ACOXL: variants seen among roughly 807,000 people sequenced by gnomAD.
ACOXL encodes the protein acyl-CoA oxidase like.
A neutral mutation model predicts 71.9 loss-of-function variants in ACOXL; 70 were observed. The observed-to-expected ratio is 0.97, with a 90% CI of 0.80 to 1.19. The LOEUF (loss-of-function observed/expected upper bound fraction) is 1.19, where lower values mean the gene tolerates loss of function less well. ACOXL is among the 50% of genes most tolerant of loss of function. The probability of loss-of-function intolerance (pLI) is 0.00; values close to 1 mark genes in which losing one functional copy is unlikely to be tolerated. For missense variants in ACOXL, 703 were observed against 736.3 expected (o/e 0.95, Z 0.52); for synonymous variants, 253 against 281.6 (o/e 0.90, Z 1.02).
At chr2:110,769,651 A>G (rs1681621661) in intron 2 of ACOXL, among the ~76,000 whole-genome samples, 1 of 141,184 alleles carries the variant, frequency 7.1e-6, no homozygotes, top group African/African-American at 3.0e-5. Flanking sequence ...TGTTTCTACT[A>G]AAACAAAACA....
chr2:110,800,074 C>T (rs991121666), intron 7 of ACOXL, among the ~76,000 whole-genome samples: 8 of 152,204 alleles, frequency 5.3e-5, no homozygotes, highest in African/African-American at 1.9e-4. Flanking sequence ...AAGCTGGCCA[C>T]CCCAGCCAGC....
At chr2:110,832,515 G>A (rs1057466264) in intron 9 of ACOXL, among the ~76,000 whole-genome samples, 6 of 149,028 alleles carry the variant, frequency 4.0e-5, no homozygotes, top group Non-Finnish European at 1.5e-5. Flanking sequence ...TCCGCAGTCC[G>A]GCCTGGGCGA....
At chr2:110,845,107 A>T (rs1427713101) in intron 10 of ACOXL, among the ~76,000 whole-genome samples, 3 of 152,198 alleles carry the variant, frequency 2.0e-5, no homozygotes, top group African/African-American at 7.2e-5. Flanking sequence ...TGGGTACTTT[A>T]TAAAGAACAG....
intron 12 of ACOXL, among the ~76,000 whole-genome samples, chr2:110,946,512 G>A (rs1284178175): frequency 6.6e-6 from 1 of 152,158 alleles, no homozygotes; most frequent in Non-Finnish European, 1.5e-5. Context: ...GAAGTTGAGA[G>A]CCATATCTTA....
At position 110,850,512 on chromosome 2, in the gene ACOXL, G is replaced by T. The variant is rs76201494; in HGVS notation, c.788+9107G>T. 4.6e-3 allele frequency among the ~76,000 whole-genome samples: 704 copies of T among 152,328 alleles called. 8 individuals are homozygous for T. The highest frequency in any genetic ancestry group is 5.0e-3 in the Non-Finnish European group (340 of 68,036). On this transcript the variant is annotated intron_variant, in intron 10 of 17. Transcript: ENST00000439055. Reference sequence around the variant, plus strand: ...ATGGCAAATAAGACCATGAAGGGATGCTCACCCTCATTAGTCATTAAGGAA... The same window carrying T: ...ATGGCAAATAAGACCATGAAGGGATTCTCACCCTCATTAGTCATTAAGGAA...
intron 14 of ACOXL, among the ~76,000 whole-genome samples, chr2:111,019,569 C>T (rs2149701592): frequency 6.6e-6 from 1 of 152,346 alleles, no homozygotes; most frequent in African/African-American, 2.4e-5. Flanking sequence ...AGTTAAGCCT[C>T]AACAGGGAAA....
At chr2:110,995,758 G>T in intron 13 of ACOXL, 135 bp from the exon 14 acceptor site, 1 of 620,354 alleles carries the variant, frequency 1.6e-6, no homozygotes, top group Non-Finnish European at 2.9e-6. Flanking sequence ...GAGATGGGAT[G>T]GGGAGATTAT....
At chr2:111,041,041 G>A (rs542403563) in intron 15 of ACOXL, among the ~76,000 whole-genome samples, 8 of 152,210 alleles carry the variant, frequency 5.3e-5, no homozygotes, top group South Asian at 2.1e-4. Flanking sequence ...CTGGAGGTGC[G>A]AGGGCAAAGG....
intron 9 of ACOXL, among the ~76,000 whole-genome samples, chr2:110,829,849 G>T (rs868230713): frequency 2.0e-5 from 3 of 152,186 alleles, no homozygotes; most frequent in African/African-American, 4.8e-5. Context: ...TGGAGCCATC[G>T]TGAGCCTGTG....
intron 16 of ACOXL, among the ~76,000 whole-genome samples, chr2:111,078,827 A>T (rs2067742199): frequency 6.6e-6 from 1 of 152,216 alleles, no homozygotes; most frequent in East Asian, 1.9e-4. Flanking sequence ...GATGTTGTTT[A>T]AAACCTATGG....
intron 14 of ACOXL, among the ~76,000 whole-genome samples, chr2:111,030,090 C>A (rs1170360686): frequency 2.0e-5 from 3 of 151,784 alleles, no homozygotes; most frequent in Non-Finnish European, 2.9e-5. Context: ...TCTATTTGGA[C>A]ACATGTGCAC....
intron 17 of ACOXL, among the ~76,000 whole-genome samples, chr2:111,109,671 A>ATTTTTTTTTTTTTTT (rs869081161): frequency 4.0e-5 from 3 of 75,644 alleles, no homozygotes; most frequent in East Asian, 3.6e-4. Context: ...TTCTCCTTCT[A>ATTTTTTTTTTTTTTT]TTTTTTTTTT....
At chr2:110,869,766 T>C (rs922376010) in intron 10 of ACOXL, among the ~76,000 whole-genome samples, 8 of 152,240 alleles carry the variant, frequency 5.3e-5, no homozygotes, top group African/African-American at 1.9e-4. Context: ...CTCAGCCACC[T>C]TGGAGAGCTG....
chr2:111,031,625 A>G lies in ACOXL; in HGVS notation c.1282-2A>G, dbSNP rs1425513896. On this transcript the variant is annotated splice_acceptor_variant, in intron 14 of 17. Coordinates refer to ENST00000439055, the MANE Select transcript of ACOXL (RefSeq NM_001142807.4). LOFTEE classifies it high-confidence loss of function. ...GTGATTTTTCTTCTGTCGATTGGACAGGTAAAGACCAAGAAGGAGGATTTT... is the reference window on the plus strand; with the variant it reads ...GTGATTTTTCTTCTGTCGATTGGACGGGTAAAGACCAAGAAGGAGGATTTT... 6.2e-7 allele frequency: 1 copy of G among 1,613,882 alleles called. No individual in the cohort carries two copies. The highest frequency in any genetic ancestry group is 8.5e-7 in the Non-Finnish European group (1 of 1,179,856).
At chr2:110,870,286 G>A (rs1296461393) in intron 10 of ACOXL, among the ~76,000 whole-genome samples, 3 of 151,954 alleles carry the variant, frequency 2.0e-5, no homozygotes, top group African/African-American at 7.3e-5. Flanking sequence ...GTCAGCTGTC[G>A]CTGGGCAGGC....
chr2:110,739,196 A>T (rs1559201887), intron 1 of ACOXL, among the ~76,000 whole-genome samples: 1 of 152,214 alleles, frequency 6.6e-6, no homozygotes, highest in Non-Finnish European at 1.5e-5. Context: ...GGCTGGTTGC[A>T]AATGGCGGGG....
chr2:110,817,154 C>T (rs923211831), intron 9 of ACOXL, among the ~76,000 whole-genome samples: 17 of 152,308 alleles, frequency 1.1e-4, no homozygotes, highest in Non-Finnish European at 1.6e-4. Context: ...TGTTCTAAGG[C>T]GGTCCAGGAG....
Position 111,012,010 on chromosome 2 carries a change from T to TG in ACOXL, c.1281+16006_1281+16007insG, listed in dbSNP as rs1553456636. On this transcript the variant is annotated intron_variant, in intron 14 of 17. Coordinates refer to ENST00000439055, the MANE Select transcript of ACOXL (RefSeq NM_001142807.4). The stretch of plus-strand genomic sequence containing the variant: ...CACAGGTATACTCCATAATAGAGAT[T>TG]AAAAATACATGAAACAGAAATTGAC... 4.8e-4 allele frequency among the ~76,000 whole-genome samples: 73 copies of TG among 152,074 alleles called. 1 individual carries two copies. The highest frequency in any genetic ancestry group is 3.4e-3 in the Middle Eastern group (1 of 294).
At chr2:110,833,600 A>G (rs528501897) in intron 9 of ACOXL, among the ~76,000 whole-genome samples, 43 of 152,108 alleles carry the variant, frequency 2.8e-4, no homozygotes, top group Non-Finnish European at 4.7e-4. Flanking sequence ...ATCTCTCTGT[A>G]TTACTTCTCC....
Sources: allele counts gnomAD v4.1 joint callset (sites outside exome capture counted in the v4.1 genomes callset), GRCh38; gene constraint gnomAD v4.1.1; transcripts MANE v1.5; gene names NCBI Gene and HGNC (gene_info 2026-07-23, HGNC 2026-07-21).